The following CNTNAP2 variants were observed in gnomAD, a reference collection of about 807,000 sequenced individuals.
The protein encoded by CNTNAP2 is contactin-associated protein-like 2.
In CNTNAP2, 98 loss-of-function variants were observed where a neutral mutation model predicts 155.2. The observed-to-expected ratio is 0.63, with a 90% CI of 0.54 to 0.75. CNTNAP2 has a LOEUF of 0.75. CNTNAP2 is among the 30% of genes least tolerant of loss of function. CNTNAP2 has a pLI of 0.00. For synonymous variants in CNTNAP2, 651 were observed against 631.2 expected, an observed-to-expected ratio of 1.03 and a Z score of -0.47; for missense variants, 1,727 against 1,688.1, an observed-to-expected ratio of 1.02 and a Z score of -0.40.
rs1021801366 is a variant in CNTNAP2, at chr7:146,580,885, T to C, written c.98-193386T>C. ...ATAAATGCTGAATAAATGGGATGTT[T>C]AGATACATTTGGCCAAGCGACACTC... On this transcript the variant is annotated intron_variant, in intron 1 of 23. Coordinates refer to ENST00000361727, the MANE Select transcript of CNTNAP2 (RefSeq NM_014141.6). Among the ~76,000 whole-genome samples the C allele has an allele frequency of 2.0e-5, 3 of 152,066 alleles. No individual in the cohort carries two copies. In the South Asian group the frequency reaches 6.2e-4, roughly 31 times the overall value.
At chr7:147,851,777 G>A (rs953195597) in intron 13 of CNTNAP2, among the ~76,000 whole-genome samples, 4 of 148,846 alleles carry the variant, frequency 2.7e-5, no homozygotes, top group Non-Finnish European at 5.9e-5. Flanking sequence ...GGGGGAGGGG[G>A]GAAGGATAGC....
rs534238718 is a variant in CNTNAP2 at position 148,392,315 on chromosome 7, G to A, written c.3715+8427G>A. Among the ~76,000 whole-genome samples the A allele has an allele frequency of 5.9e-5, 9 of 152,148 alleles. No homozygotes were observed. In the South Asian group the frequency reaches 8.3e-4, roughly 14 times the overall value. On this transcript the variant is annotated intron_variant, in intron 22 of 23. Coordinates refer to ENST00000361727, the MANE Select transcript of CNTNAP2 (RefSeq NM_014141.6). ...TCTCGATCTCTTGACCTCGTGATCC[G>A]CCCGCCTCAGCCTCCCAAAGTGCTG...
chr7:146,441,924 A>G (rs978267085), intron 1 of CNTNAP2, among the ~76,000 whole-genome samples: 4 of 151,684 alleles, frequency 2.6e-5, no homozygotes, highest in African/African-American at 7.3e-5. Context: ...AATTTTTTGT[A>G]TCTTCCTTGT....
At chr7:146,276,697 T>TCATGTGA (rs1227844607) in intron 1 of CNTNAP2, among the ~76,000 whole-genome samples, 9 of 152,062 alleles carry the variant, frequency 5.9e-5, no homozygotes, top group African/African-American at 2.2e-4. Flanking sequence ...ATGTTAGGTA[T>TCATGTGA]CATGTGACTC....
chr7:147,788,889 T>C (rs1797776006), intron 13 of CNTNAP2, among the ~76,000 whole-genome samples: 1 of 141,764 alleles, frequency 7.1e-6, no homozygotes, highest in Non-Finnish European at 1.5e-5. Flanking sequence ...ATATACTTTT[T>C]TTTTCTTTTT....
chr7:146,180,825 T>C (rs907189765), intron 1 of CNTNAP2, among the ~76,000 whole-genome samples: 6 of 152,312 alleles, frequency 3.9e-5, no homozygotes, highest in Admixed American at 3.9e-4. Context: ...GAAGTTAATA[T>C]CACCAAGGTC....
At chr7:146,542,252 C>G (rs909594698) in intron 1 of CNTNAP2, among the ~76,000 whole-genome samples, 1 of 151,838 alleles carries the variant, frequency 6.6e-6, no homozygotes, top group African/African-American at 2.4e-5. Context: ...TGGCTGGCAG[C>G]TAGGCTATAA....
rs566837092 is a variant in CNTNAP2 at position 148,363,928 on chromosome 7, G to A, written c.3476-19721G>A. On this transcript the variant is annotated intron_variant, in intron 21 of 23. Transcript: ENST00000361727. ...GCAGCCAGCCAGCCCTGCTGGCCCC[G>A]GGCAATGGGGGACTTAGCACCCGGG... 1.4e-3 allele frequency among the ~76,000 whole-genome samples: 212 copies of A among 152,102 alleles called. 1 individual carries two copies. The highest frequency in any genetic ancestry group is 5.6e-3 in the East Asian group (29 of 5,148).
intron 8 of CNTNAP2, among the ~76,000 whole-genome samples, chr7:147,246,081 T>TG (rs1467755625): frequency 1.3e-5 from 2 of 149,464 alleles, no homozygotes; most frequent in Non-Finnish European, 3.0e-5. Context: ...TATATATATA[T>TG]ACATATATAT....
intron 1 of CNTNAP2, among the ~76,000 whole-genome samples, chr7:146,621,550 G>T (rs573255934): frequency 2.2e-4 from 34 of 152,198 alleles, no homozygotes; most frequent in African/African-American, 7.9e-4. Context: ...CAGGTATTTT[G>T]CAGAATGTTC....
At chr7:148,355,777 G>A (rs1269218119) in intron 21 of CNTNAP2, among the ~76,000 whole-genome samples, 1 of 152,182 alleles carries the variant, frequency 6.6e-6, no homozygotes, top group Admixed American at 6.5e-5. Flanking sequence ...GTAATAGACT[G>A]TACAGTTAAA....
At chr7:146,886,023 A>G (rs190058601) in intron 3 of CNTNAP2, among the ~76,000 whole-genome samples, 1 of 151,442 alleles carries the variant, frequency 6.6e-6, no homozygotes, top group East Asian at 1.9e-4. Context: ...GACTAATTCT[A>G]GTACAAATTA....
intron 1 of CNTNAP2, among the ~76,000 whole-genome samples, chr7:146,688,279 A>G (rs1313881695): frequency 1.3e-5 from 2 of 152,166 alleles, no homozygotes; most frequent in South Asian, 2.1e-4. Context: ...GAACTGTTCT[A>G]TAAGTTTCAT....
intron 13 of CNTNAP2, among the ~76,000 whole-genome samples, chr7:147,647,828 A>G (rs1011656380): frequency 1.3e-5 from 2 of 152,188 alleles, no homozygotes; most frequent in African/African-American, 4.8e-5. Flanking sequence ...TATAATTGGG[A>G]AGCTAAGGGA....
chr7:147,170,574 C>CTTCTGAGTT (rs113069615), intron 8 of CNTNAP2, among the ~76,000 whole-genome samples: 89,659 of 151,450 alleles, frequency 0.59, 26,687 homozygotes, highest in Middle Eastern at 0.71. Context: ...GCATCTCACC[C>CTTCTGAGTT]TTCTGAGTGT....
intron 11 of CNTNAP2, among the ~76,000 whole-genome samples, chr7:147,501,963 T>G (rs1584774868): frequency 1.3e-5 from 2 of 152,172 alleles, no homozygotes; most frequent in South Asian, 4.1e-4. Context: ...ATCTTCCCAC[T>G]TGTAATAGTA....
intron 8 of CNTNAP2, among the ~76,000 whole-genome samples, chr7:147,258,368 T>C (rs530385086): frequency 3.5e-4 from 53 of 152,300 alleles, no homozygotes; most frequent in Admixed American, 1.9e-3. Flanking sequence ...GCATTCAATA[T>C]CTTCCTTCTA....
chr7:148,208,552 A>G (rs1795492463), intron 18 of CNTNAP2, among the ~76,000 whole-genome samples: 1 of 152,216 alleles, frequency 6.6e-6, no homozygotes. Flanking sequence ...AGGGGAAAGG[A>G]AAACCAAAGA....
intron 18 of CNTNAP2, among the ~76,000 whole-genome samples, chr7:148,176,028 C>A (rs949392272): frequency 6.6e-6 from 1 of 151,878 alleles, no homozygotes; most frequent in Non-Finnish European, 1.5e-5. Context: ...GTGAAATTAC[C>A]GTGTCTTGTC....
Sources: gnomAD v4.1 joint callset for allele counts (sites outside exome capture counted in the v4.1 genomes callset) on GRCh38, gnomAD v4.1.1 for gene constraint, MANE v1.5 for transcripts, NCBI Gene and HGNC (gene_info 2026-07-23, HGNC 2026-07-21) for gene names.